MATCAP2: variants seen among roughly 807,000 people sequenced by gnomAD.
The protein encoded by MATCAP2 is microtubule associated tyrosine carboxypeptidase 2, also known as putative tyrosine carboxypeptidase MATCAP2.
chr7:36,331,108 C>A, the MATCAP2 span: 2 of 1,418,438 alleles, frequency 1.4e-6, no homozygotes, highest in Non-Finnish European at 1.0e-6. Flanking sequence ...TGTTTACTTT[C>A]TGATGTTCAG....
the MATCAP2 span, among the ~76,000 whole-genome samples, chr7:36,357,899 CAAAAGAATGTAG>C: frequency 3.9e-5 from 6 of 152,028 alleles, no homozygotes; most frequent in Non-Finnish European, 1.5e-5. Flanking sequence ...CTTGATTCTA[CAAAAGAATGTAG>C]ATTTTGGCTG....
At chr7:36,324,196 C>T in the MATCAP2 span, 1 of 152,220 alleles carries the variant, frequency 6.6e-6, no homozygotes, top group East Asian at 1.9e-4. Context: ...AACCAAGTTA[C>T]ATGCATACAT....
At chr7:36,338,026 A>G in the MATCAP2 span, among the ~76,000 whole-genome samples, 1 of 152,086 alleles carries the variant, frequency 6.6e-6, no homozygotes, top group East Asian at 1.9e-4. Context: ...ATAAAATCTC[A>G]TAAGATGGGT....
At chr7:36,342,683 G>A in the MATCAP2 span, among the ~76,000 whole-genome samples, 119 of 152,022 alleles carry the variant, frequency 7.8e-4, no homozygotes, top group African/African-American at 2.7e-3. Flanking sequence ...GGAGTGCAGT[G>A]GTGCGATCTT....
the MATCAP2 span, among the ~76,000 whole-genome samples, chr7:36,364,214 A>G: frequency 6.6e-6 from 1 of 152,044 alleles, no homozygotes; most frequent in African/African-American, 2.4e-5. Flanking sequence ...CAGCCTTCCA[A>G]GTAGCTGGGA....
chr7:36,376,875 T>C, the MATCAP2 span, among the ~76,000 whole-genome samples: 2 of 152,246 alleles, frequency 1.3e-5, no homozygotes, highest in Admixed American at 6.5e-5. Context: ...TGATCTTTGT[T>C]GGTTTAAAGT....
At chr7:36,364,919 T>C in the MATCAP2 span, among the ~76,000 whole-genome samples, 3 of 152,224 alleles carry the variant, frequency 2.0e-5, no homozygotes, top group African/African-American at 7.2e-5. Flanking sequence ...CAAATGGCTA[T>C]TTGAACTTTA....
chr7:36,366,285 T>C, the MATCAP2 span, among the ~76,000 whole-genome samples: 43,578 of 152,028 alleles, frequency 0.29, 7,160 homozygotes, highest in South Asian at 0.5. Context: ...CTAACACGCA[T>C]AGCGATTTAC....
At chr7:36,346,924 C>T in the MATCAP2 span, among the ~76,000 whole-genome samples, 1 of 152,054 alleles carries the variant, frequency 6.6e-6, no homozygotes, top group African/African-American at 2.4e-5. Flanking sequence ...CCACACTAGG[C>T]TAATTTTTAT....
At chr7:36,354,675 T>C in the MATCAP2 span, among the ~76,000 whole-genome samples, 3 of 152,362 alleles carry the variant, frequency 2.0e-5, no homozygotes, top group Middle Eastern at 3.4e-3. Context: ...AAGTATATTT[T>C]CCCAGAGGTC....
chr7:36,382,032 C>T, the MATCAP2 span, among the ~76,000 whole-genome samples: 1 of 151,942 alleles, frequency 6.6e-6, no homozygotes, highest in Non-Finnish European at 1.5e-5. Flanking sequence ...TTGGCTTATG[C>T]CTGTAATCTC....
the MATCAP2 span, among the ~76,000 whole-genome samples, chr7:36,329,788 C>T: frequency 6.6e-6 from 1 of 152,162 alleles, no homozygotes; most frequent in African/African-American, 2.4e-5. Context: ...TTTACTAATA[C>T]AATGGGGGAA....
the MATCAP2 span, among the ~76,000 whole-genome samples, chr7:36,377,159 A>C: frequency 6.6e-6 from 1 of 152,060 alleles, no homozygotes; most frequent in African/African-American, 2.4e-5. Context: ...TTAGCTGGTT[A>C]TTTTGCCCAT....
the MATCAP2 span, among the ~76,000 whole-genome samples, chr7:36,333,601 GA>G: frequency 6.6e-6 from 1 of 152,070 alleles, no homozygotes; most frequent in Non-Finnish European, 1.5e-5. Flanking sequence ...AACAATAAGT[GA>G]ATCCAGATGA....
At chr7:36,384,603 C>A in the MATCAP2 span, among the ~76,000 whole-genome samples, 1 of 152,140 alleles carries the variant, frequency 6.6e-6, no homozygotes, top group African/African-American at 2.4e-5. Context: ...AAAATAATGT[C>A]AGATAGTGGC....
At chr7:36,359,043 A>G in the MATCAP2 span, among the ~76,000 whole-genome samples, 1 of 152,238 alleles carries the variant, frequency 6.6e-6, no homozygotes, top group Non-Finnish European at 1.5e-5. Flanking sequence ...TAAACAAATG[A>G]ATAAATAAAT....
chr7:36,371,198 C>CA, the MATCAP2 span, among the ~76,000 whole-genome samples: 2 of 152,140 alleles, frequency 1.3e-5, no homozygotes, highest in South Asian at 2.1e-4. Context: ...TTCAACCTCC[C>CA]AGGCTCAGGT....
chr7:36,382,838 A>G, the MATCAP2 span, among the ~76,000 whole-genome samples: 2 of 152,246 alleles, frequency 1.3e-5, no homozygotes, highest in African/African-American at 4.8e-5. Context: ...AAAGTTACCA[A>G]TATAAAAAGT....
At chr7:36,339,814 GA>G in the MATCAP2 span, among the ~76,000 whole-genome samples, 3 of 152,172 alleles carry the variant, frequency 2.0e-5, no homozygotes. Flanking sequence ...TTATCTCTAA[GA>G]AGTATTATGA....
Sources: allele counts gnomAD v4.1 joint callset (sites outside exome capture counted in the v4.1 genomes callset), GRCh38; gene constraint gnomAD v4.1.1; transcripts MANE v1.5; gene names NCBI Gene and HGNC (gene_info 2026-07-23, HGNC 2026-07-21).